The following PPP2R2B variants were observed in gnomAD, a reference collection of about 807,000 sequenced individuals.
PPP2R2B encodes serine/threonine-protein phosphatase 2A 55 kDa regulatory subunit B beta isoform.
Under a neutral mutation model 46.0 loss-of-function variants are expected in PPP2R2B, and 5 were observed. The observed-to-expected ratio is 0.11, with a 90% CI of 0.06 to 0.23. PPP2R2B has a LOEUF of 0.23. PPP2R2B is among the 10% of genes least tolerant of loss of function. The pLI is 1.00. For synonymous variants in PPP2R2B, 215 were observed against 206.7 expected (o/e 1.04, Z -0.34); for missense variants, 367 against 575.0 (o/e 0.64, Z 3.70).
rs531561268 is a variant in PPP2R2B at position 146,855,632 on chromosome 5, C to T, written c.70+22370G>A. ...TCCTTTTATTAAAGGGAGCTCTTCT[C>T]TTCTGAATGTTGTACTCTTTGATCT... On this transcript the variant is annotated intron_variant, in intron 2 of 9. Coordinates refer to ENST00000394411, the MANE Select transcript of PPP2R2B (RefSeq NM_181675.4). 4.1e-4 allele frequency among the ~76,000 whole-genome samples: 62 copies of T among 152,250 alleles called. No homozygotes were observed. In the South Asian group the frequency reaches 0.013, roughly 32 times the overall value.
chr5:146,906,860 T>C (rs1763016916), intron 1 of PPP2R2B, among the ~76,000 whole-genome samples: 1 of 152,240 alleles, frequency 6.6e-6, no homozygotes, highest in African/African-American at 2.4e-5. Flanking sequence ...GAATTGTACA[T>C]TTAAAACTAG....
At chr5:146,993,533 C>T (rs977902686) in intron 1 of PPP2R2B, among the ~76,000 whole-genome samples, 1 of 152,242 alleles carries the variant, frequency 6.6e-6, no homozygotes, top group African/African-American at 2.4e-5. Flanking sequence ...TGAGCCACTG[C>T]ACCCAGCTGG....
rs1421968219 is a variant in PPP2R2B at position 146,878,379 on chromosome 5, G to A, written c.-124-184C>T. On this transcript the variant is annotated intron_variant, in intron 1 of 9. Transcript: ENST00000394411. This position sits in a 1 kb window ranked among gnomAD's most constrained non-coding sequence, Gnocchi z 4.5. ...CTGCCTCCGGGTGCCAAGATACGCC[G>A]TGCCCCGAGGGGTCTGGTCCCGCCC... 10 of 1,431,680 alleles carry A rather than the reference G, an allele frequency of 7.0e-6. No homozygotes were observed. In the South Asian group the frequency reaches 9.0e-5, roughly 13 times the overall value. The allele number at this position is 1,431,680 out of a possible 1,614,324, so 88.7% of individuals were successfully genotyped here.
In PPP2R2B at chr5:146,901,307, T is replaced by C. The variant is rs1177726420; in HGVS notation, c.79+154358A>G. 2.6e-5 allele frequency among the ~76,000 whole-genome samples: 4 copies of C among 152,174 alleles called. No homozygotes were observed. The East Asian group carries it at 7.7e-4, about 29-fold the overall frequency. Reference sequence around the variant, plus strand: ...TTGAGCCCAGGAGTTCAAGACCAGCTTGGGTAACATAGTGAGACCCAGGCT... The same window carrying C: ...TTGAGCCCAGGAGTTCAAGACCAGCCTGGGTAACATAGTGAGACCCAGGCT... On this transcript the variant is annotated intron_variant, in intron 1 of 8. Transcript: ENST00000336640.
intron 2 of PPP2R2B, among the ~76,000 whole-genome samples, chr5:146,853,643 T>C (rs1017900970): frequency 8.5e-5 from 13 of 152,216 alleles, no homozygotes; most frequent in Middle Eastern, 3.4e-3. Flanking sequence ...ACATAATTAG[T>C]GCTCAATAAA....
At chr5:146,926,568 A>T (rs892316703) in intron 1 of PPP2R2B, among the ~76,000 whole-genome samples, 1 of 151,906 alleles carries the variant, frequency 6.6e-6, no homozygotes, top group Non-Finnish European at 1.5e-5. Context: ...GGCTTGCTAG[A>T]GGTTGCTCCT....
chr5:146,793,201 G>A (rs781160532), intron 2 of PPP2R2B, among the ~76,000 whole-genome samples: 1 of 152,200 alleles, frequency 6.6e-6, no homozygotes, highest in African/African-American at 2.4e-5. Flanking sequence ...GAACTAGAAG[G>A]ATGAAGTTGT....
chr5:147,005,551 A>C (rs1754396754), intron 1 of PPP2R2B, among the ~76,000 whole-genome samples: 1 of 152,170 alleles, frequency 6.6e-6, no homozygotes, highest in South Asian at 2.1e-4. Context: ...CCTTGCAAAA[A>C]CCCAAGGAGG....
At chr5:146,974,328 G>A (rs1334944100) in intron 1 of PPP2R2B, among the ~76,000 whole-genome samples, 1 of 152,108 alleles carries the variant, frequency 6.6e-6, no homozygotes, top group African/African-American at 2.4e-5. Flanking sequence ...AACCAGCCAT[G>A]AGGCAGGGTT....
In PPP2R2B at chr5:147,077,304, A is replaced by C. The variant is rs1426272366; in HGVS notation, c.50+3755T>G. Among the ~76,000 whole-genome samples, 4 of 146,484 alleles carry C rather than the reference A, an allele frequency of 2.7e-5. No homozygotes were observed. In the East Asian group the frequency reaches 6.1e-4, roughly 22 times the overall value. On this transcript the variant is annotated intron_variant, in intron 2 of 10. Coordinates refer to the PPP2R2B transcript ENST00000394413. The stretch of plus-strand genomic sequence containing the variant: ...CACACACACACACACACACACACAC[A>C]CACACACCCACACCCACACCCCTAG...
rs1051052394 is a variant in PPP2R2B at position 146,618,684 on chromosome 5, G to C, written c.791-18224C>G. On this transcript the variant is annotated intron_variant, in intron 7 of 9. Transcript: ENST00000394411. The stretch of plus-strand genomic sequence containing the variant: ...AGGCAGGCCAGAGCGGGCTGCTTCT[G>C]GGCAGAGGCCATGAGAGGCTCACTG... 2.0e-5 allele frequency among the ~76,000 whole-genome samples: 3 copies of C among 152,130 alleles called. No homozygotes were observed. In the East Asian group the frequency reaches 5.8e-4, roughly 29 times the overall value.
At chr5:146,758,867 C>T (rs1753990453) in intron 2 of PPP2R2B, among the ~76,000 whole-genome samples, 1 of 152,186 alleles carries the variant, frequency 6.6e-6, no homozygotes, top group African/African-American at 2.4e-5. Flanking sequence ...AGGCCCTAAT[C>T]CTGTCTCTAC....
At chr5:146,819,437 G>A (rs1039259059) in intron 2 of PPP2R2B, among the ~76,000 whole-genome samples, 22 of 152,266 alleles carry the variant, frequency 1.4e-4, no homozygotes, top group African/African-American at 5.1e-4. Context: ...CCACAGAACA[G>A]AAGAGCTGAA....
At chr5:146,687,902 C>A (rs1248155835) in intron 5 of PPP2R2B, among the ~76,000 whole-genome samples, 3 of 152,066 alleles carry the variant, frequency 2.0e-5, no homozygotes, top group African/African-American at 7.2e-5. Context: ...TGAAAGTGAG[C>A]AAGAAGTAAT....
chr5:147,040,162 T>A (rs146305068), intron 1 of PPP2R2B, among the ~76,000 whole-genome samples: 2 of 152,156 alleles, frequency 1.3e-5, no homozygotes, highest in African/African-American at 4.8e-5. Flanking sequence ...GAACATTGGG[T>A]ATCACTGGAA....
chr5:146,935,997 G>A (rs1268120731), intron 1 of PPP2R2B, among the ~76,000 whole-genome samples: 1 of 152,140 alleles, frequency 6.6e-6, no homozygotes, highest in Non-Finnish European at 1.5e-5. Flanking sequence ...AAATGATGGA[G>A]CATATTTGTA....
intron 2 of PPP2R2B, among the ~76,000 whole-genome samples, chr5:146,804,668 T>G (rs1236721275): frequency 6.6e-6 from 1 of 152,076 alleles, no homozygotes; most frequent in East Asian, 1.9e-4. Flanking sequence ...TAAACTGAAG[T>G]GAGGATGGAG....
Position 147,071,626 on chromosome 5 carries a change from C to G in PPP2R2B, c.50+9433G>C, listed in dbSNP as rs74871617. 3.1e-3 allele frequency among the ~76,000 whole-genome samples: 465 copies of G among 151,938 alleles called. 1 individual carries two copies. The highest frequency in any genetic ancestry group is 4.5e-3 in the Non-Finnish European group (304 of 68,008). On this transcript the variant is annotated intron_variant, in intron 2 of 10. Coordinates refer to the PPP2R2B transcript ENST00000394413. ...TCTGGAACTCTCCTCCCCAGATATT[C>G]ACAAGACGATATTTTTTTTTTGCCT... is the stretch of plus-strand genomic sequence containing the variant.
In PPP2R2B at chr5:146,656,149, T is replaced by C. The variant is rs569039466; in HGVS notation, c.448-5425A>G. 3.3e-5 allele frequency among the ~76,000 whole-genome samples: 5 copies of C among 152,256 alleles called. No individual in the cohort carries two copies. The East Asian group carries it at 9.7e-4, about 29-fold the overall frequency. On this transcript the variant is annotated intron_variant, in intron 5 of 9. Coordinates refer to ENST00000394411, the MANE Select transcript of PPP2R2B (RefSeq NM_181675.4). Reference sequence around the variant, plus strand: ...ATAAGTTCTTGTGTGTATGTGTACATGAGGAAAACCTGAGTTGGGTAAGGG... The same window carrying C: ...ATAAGTTCTTGTGTGTATGTGTACACGAGGAAAACCTGAGTTGGGTAAGGG...
Sources: allele counts gnomAD v4.1 joint callset (sites outside exome capture counted in the v4.1 genomes callset), GRCh38; gene constraint gnomAD v4.1.1; non-coding constraint Gnocchi (gnomAD v3.1); transcripts MANE v1.5; gene names NCBI Gene and HGNC (gene_info 2026-07-23, HGNC 2026-07-21).